The following OR14I1 variants were observed in gnomAD, a reference collection of about 807,000 sequenced individuals.
OR14I1 encodes olfactory receptor 14I1.
For synonymous variants in OR14I1, 118 were observed against 71.1 expected (o/e 1.66, Z -3.32); for missense variants, 279 against 181.8 (o/e 1.53, Z -3.07).
chr1:248,693,780 T>A, the OR14I1 span, among the ~76,000 whole-genome samples: 29 of 142,176 alleles, frequency 2.0e-4, no homozygotes, highest in Admixed American at 1.3e-3. Context: ...AAAGCTCATT[T>A]AAAAAAAAAA....
rs764582031 is a variant in OR14I1, at chr1:248,681,664, A to G, written c.641T>C (p.Ile214Thr). 12 of 781,036 alleles carry G rather than the reference A, an allele frequency of 1.5e-5. No individual in the cohort carries two copies. The Admixed American group carries it at 1.9e-4, about 12-fold the overall frequency. 48.4% of individuals were successfully genotyped at this position (781,036 alleles called of 1,614,324 possible). Residue 214 changes from isoleucine (I) to threonine (T), a missense_variant, in exon 1 of 1, where the codon ATC (isoleucine) becomes ACC (threonine). Transcript: ENST00000342623. ...CGTTGAGAAGATTTGGAAATAGGAG[A>G]TCATCATGAGAATAAAGCATCCCAG...
At chr1:248,680,844 G>A (rs1661546196), downstream of OR14I1, among the ~76,000 whole-genome samples, 1 of 152,114 alleles carries the variant, frequency 6.6e-6, no homozygotes, top group African/African-American at 2.4e-5. Context: ...ATAACTAAGT[G>A]AAAGAGAAAT....
chr1:248,682,381 T>C (rs1268480657), upstream of OR14I1: 2 of 643,430 alleles, frequency 3.1e-6, no homozygotes, highest in African/African-American at 3.6e-5. Context: ...GTGAACACAG[T>C]GTGGTAGGAG....
chr1:248,689,086 G>A, the OR14I1 span, among the ~76,000 whole-genome samples: 24 of 152,212 alleles, frequency 1.6e-4, no homozygotes, highest in African/African-American at 3.9e-4. Context: ...TGGGACACGC[G>A]GTCCTTTACT....
exon 1 of OR14I1, chr1:248,681,384 A>G (rs758340325): frequency 8.0e-6 from 6 of 751,246 alleles, no homozygotes; most frequent in Non-Finnish European, 1.5e-5. Flanking sequence ...TTTGCAGAAA[A>G]TATATCTTCA....
chr1:248,691,423 G>A, the OR14I1 span, among the ~76,000 whole-genome samples: 2 of 152,234 alleles, frequency 1.3e-5, no homozygotes, highest in African/African-American at 4.8e-5. Flanking sequence ...TGGTAGGGTA[G>A]AATGTTCCCG....
chr1:248,681,837 G>T, exon 1 of OR14I1: 1 of 781,066 alleles, frequency 1.3e-6, no homozygotes, highest in Non-Finnish European at 2.4e-6. Flanking sequence ...TGCCAGTGTG[G>T]ACGGCTGCGT....
At chr1:248,691,398 T>C in the OR14I1 span, among the ~76,000 whole-genome samples, 3 of 152,342 alleles carry the variant, frequency 2.0e-5, no homozygotes, top group South Asian at 6.2e-4. Context: ...GATGCATTGA[T>C]GACTTGGAGG....
chr1:248,694,933 T>C, the OR14I1 span, among the ~76,000 whole-genome samples: 6 of 152,228 alleles, frequency 3.9e-5, no homozygotes, highest in Non-Finnish European at 7.3e-5. Flanking sequence ...CCACTAGCCA[T>C]GTGTGGCTAT....
the OR14I1 span, among the ~76,000 whole-genome samples, chr1:248,696,069 A>G: frequency 6.6e-6 from 1 of 151,956 alleles, no homozygotes; most frequent in Non-Finnish European, 1.5e-5. Context: ...ACCTCTGACA[A>G]CTGCTAGGTT....
chr1:248,688,336 T>C, the OR14I1 span, among the ~76,000 whole-genome samples: 1 of 152,240 alleles, frequency 6.6e-6, no homozygotes, highest in Non-Finnish European at 1.5e-5. Flanking sequence ...CAGTGTTCTC[T>C]GTCCAGAGAG....
chr1:248,680,258 AG>A (rs1661535089), downstream of OR14I1, among the ~76,000 whole-genome samples: 1 of 152,250 alleles, frequency 6.6e-6, no homozygotes, highest in Admixed American at 6.5e-5. Flanking sequence ...AGCATATCGA[AG>A]AATTATATTT....
chr1:248,682,507 A>T (rs1661585161), upstream of OR14I1, among the ~76,000 whole-genome samples: 2 of 152,220 alleles, frequency 1.3e-5, no homozygotes, highest in Non-Finnish European at 2.9e-5. Flanking sequence ...GCCTAAGACT[A>T]TGAGTTGAGT....
downstream of OR14I1, among the ~76,000 whole-genome samples, chr1:248,678,798 G>C (rs758153828): frequency 1.2e-4 from 18 of 152,046 alleles, no homozygotes; most frequent in East Asian, 2.3e-3. Flanking sequence ...AATACACAAA[G>C]GCCAACAGTT....
At chr1:248,696,453 C>T in the OR14I1 span, among the ~76,000 whole-genome samples, 1 of 152,196 alleles carries the variant, frequency 6.6e-6, no homozygotes, top group African/African-American at 2.4e-5. Context: ...AGCAAGAACA[C>T]TTGAATGGAA....
the OR14I1 span, among the ~76,000 whole-genome samples, chr1:248,688,966 T>C: frequency 2.0e-5 from 3 of 152,198 alleles, no homozygotes; most frequent in Admixed American, 6.5e-5. Context: ...AGTGTAGCCC[T>C]TGGGGGCTTT....
rs1384804231 is a variant in OR14I1, at chr1:248,681,572, CA to C, written c.732del (p.Ile244MetfsTer15). 1.3e-6 allele frequency: 1 copy of C among 780,950 alleles called. No individual in the cohort carries two copies. Among genetic ancestry groups the C allele is most frequent in the Admixed American group, 1.7e-5 (1 of 59,022 alleles). 48.4% of individuals were successfully genotyped at this position (780,950 alleles called of 1,614,324 possible). On this transcript the variant is annotated frameshift_variant, in exon 1 of 1. Coordinates refer to ENST00000342623, the Ensembl canonical transcript of OR14I1. LOFTEE classifies it low-confidence loss of function (END_TRUNC). Reference sequence around the variant, plus strand: ...CCTGTGGTAAGAAAGAGCATGATGACAATGAGCTGGGGGGAGCAGGTGGAGA... The same window carrying C: ...CCTGTGGTAAGAAAGAGCATGATGACATGAGCTGGGGGGAGCAGGTGGAGA...
the OR14I1 span, among the ~76,000 whole-genome samples, chr1:248,693,309 C>T: frequency 6.6e-6 from 1 of 152,112 alleles, no homozygotes; most frequent in Non-Finnish European, 1.5e-5. Flanking sequence ...TGGCCACCTC[C>T]TTGCACCTTT....
the OR14I1 span, among the ~76,000 whole-genome samples, chr1:248,696,778 TATC>T: frequency 1.3e-5 from 2 of 152,326 alleles, no homozygotes; most frequent in African/African-American, 4.8e-5. Flanking sequence ...TCATCTGACA[TATC>T]ATATTTTTTT....
Sources: allele counts gnomAD v4.1 joint callset (sites outside exome capture counted in the v4.1 genomes callset), GRCh38; gene constraint gnomAD v4.1.1; transcripts MANE v1.5; gene names NCBI Gene and HGNC (gene_info 2026-07-23, HGNC 2026-07-21).